The following SYNJ2 variants were observed in gnomAD, a reference collection of about 807,000 sequenced individuals.
SYNJ2 encodes synaptojanin 2.
A neutral mutation model predicts 141.3 loss-of-function variants in SYNJ2; 116 were observed. The observed-to-expected ratio is 0.82, with a 90% CI of 0.71 to 0.96. SYNJ2 has a LOEUF of 0.96. Among genes scored for constraint, SYNJ2 ranks in the 40% least tolerant of loss-of-function variants. The pLI is 0.00. For missense variants in SYNJ2, 1,873 were observed against 1,934.8 expected, an observed-to-expected ratio of 0.97 and a Z score of 0.60; for synonymous variants, 745 against 777.7, an observed-to-expected ratio of 0.96 and a Z score of 0.70.
chr6:158,012,631 A>T (rs1366115124), intron 1 of SYNJ2, among the ~76,000 whole-genome samples: 1 of 152,214 alleles, frequency 6.6e-6, no homozygotes, highest in Non-Finnish European at 1.5e-5. Flanking sequence ...GCAGAGCTGT[A>T]AGGTCATGAG....
Position 158,054,988 on chromosome 6 carries a change from C to G in SYNJ2, c.817C>G (p.Leu273Val). 1 of 1,614,094 alleles carries G rather than the reference C, an allele frequency of 6.2e-7. No individual in the cohort carries two copies. The highest frequency in any genetic ancestry group is 8.5e-7 in the Non-Finnish European group (1 of 1,180,024). The change falls in exon 6 of 27, where the codon CTC becomes GTC. Residue 273 changes from leucine (L) to valine (V), a missense_variant. By Grantham distance (32) the Leu-to-Val change is conservative. Transcript: ENST00000355585. ...TTAGGTTGGCTCCCATCATCTGAGA[C>G]TCCACAGAGGCCTGGAAGCCAATGC... ...GLQVGSHHLR[L>V]HRGLEANAPA...
intron 1 of SYNJ2, among the ~76,000 whole-genome samples, chr6:158,002,543 C>G (rs985855999): frequency 9.2e-5 from 14 of 152,184 alleles, no homozygotes; most frequent in African/African-American, 3.1e-4. Context: ...GAACCTGCAG[C>G]CGCAGGACCT....
chr6:158,017,626 G>A (rs995860051), intron 2 of SYNJ2: 2 of 422,130 alleles, frequency 4.7e-6, no homozygotes, highest in Admixed American at 5.6e-5. Context: ...ATGTTGGTCA[G>A]GCTGGTCTGA....
chr6:158,030,105 G>C (rs537186781), intron 3 of SYNJ2, among the ~76,000 whole-genome samples: 1 of 152,146 alleles, frequency 6.6e-6, no homozygotes, highest in Non-Finnish European at 1.5e-5. Context: ...AAGATCTCCT[G>C]GTGCTTTTTC....
At chr6:158,078,010 C>A in intron 17 of SYNJ2, 154 bp from the exon 18 acceptor site, 1 of 619,878 alleles carries the variant, frequency 1.6e-6, no homozygotes, top group Non-Finnish European at 2.9e-6. Flanking sequence ...CCAAAGCATC[C>A]GAAGCCTGGC....
chr6:157,991,165 T>C (rs944902915), intron 1 of SYNJ2, among the ~76,000 whole-genome samples: 2 of 152,206 alleles, frequency 1.3e-5, no homozygotes, highest in African/African-American at 4.8e-5. Flanking sequence ...AGAGAACGCC[T>C]CTGGAGCCTG....
Position 158,089,850 on chromosome 6 carries a change from G to T in SYNJ2, c.3468G>T (p.Arg1156=), listed in dbSNP as rs374673064. 6.8e-6 allele frequency: 11 copies of T among 1,613,694 alleles called. No individual in the cohort carries two copies. The African/African-American group carries it at 1.5e-4, about 22-fold the overall frequency. Reference sequence around the variant, plus strand: ...ATTCTGTCCTCAAGCCCAAGGCTCGGACTGGAATAAGTAAACCTTATAATG... The same window carrying T: ...ATTCTGTCCTCAAGCCCAAGGCTCGTACTGGAATAAGTAAACCTTATAATG... The part of the protein sequence containing the change: ...PGAPQQPPKA[R]TGISKPYNVK... Residue 1156 remains arginine (R), a synonymous_variant, in exon 25 of 27, where the codon CGG becomes CGT. Transcript: ENST00000355585.
intron 1 of SYNJ2, among the ~76,000 whole-genome samples, chr6:158,008,883 C>T (rs575646397): frequency 1.3e-5 from 2 of 152,350 alleles, no homozygotes; most frequent in Admixed American, 1.3e-4. Flanking sequence ...CCTGCAGTGG[C>T]ATTCAGAGTG....
At chr6:158,083,313 C>T in intron 20 of SYNJ2, 116 bp from the exon 21 acceptor site, 1 of 1,286,136 alleles carries the variant, frequency 7.8e-7, no homozygotes, top group East Asian at 2.4e-5. Flanking sequence ...TTTTCAGGGC[C>T]AAATGTGAAG....
At chr6:158,093,313 G>A (rs1783587295) in intron 26 of SYNJ2, among the ~76,000 whole-genome samples, 1 of 152,080 alleles carries the variant, frequency 6.6e-6, no homozygotes, top group Non-Finnish European at 1.5e-5. Flanking sequence ...GCGCACGCCT[G>A]TAATCCCAGC....
chr6:158,053,618 C>T (rs1021872703), intron 5 of SYNJ2, among the ~76,000 whole-genome samples: 1 of 151,780 alleles, frequency 6.6e-6, no homozygotes, highest in African/African-American at 2.4e-5. Context: ...GTCCACCTAT[C>T]TACCCACCCA....
At chr6:158,033,132 C>T (rs6919375) in intron 3 of SYNJ2, among the ~76,000 whole-genome samples, 57,133 of 152,082 alleles carry the variant, frequency 0.38, 11,035 homozygotes, top group Middle Eastern at 0.48. Context: ...TTTGCGATTC[C>T]CCGAAAAGTG....
intron 3 of SYNJ2, 178 bp downstream of exon 3, chr6:158,029,204 C>A (rs1188320683): frequency 3.9e-6 from 3 of 765,982 alleles, no homozygotes; most frequent in Non-Finnish European, 6.0e-6. Context: ...ACCCTGAACT[C>A]CCTGCCACCC....
chr6:158,016,410 G>A (rs9365727), intron 1 of SYNJ2, among the ~76,000 whole-genome samples: 89,293 of 152,084 alleles, frequency 0.59, 26,578 homozygotes, highest in Middle Eastern at 0.73. Flanking sequence ...GTAAGCCACT[G>A]TGCCCGGCCA....
At chr6:158,072,260 T>C (rs991893401) in intron 15 of SYNJ2, among the ~76,000 whole-genome samples, 1 of 152,216 alleles carries the variant, frequency 6.6e-6, no homozygotes, top group Non-Finnish European at 1.5e-5. Context: ...CCTTTTTGAC[T>C]GGGAACACGG....
At chr6:158,094,347 G>A (rs964114902) in intron 26 of SYNJ2, among the ~76,000 whole-genome samples, 8 of 134,424 alleles carry the variant, frequency 6.0e-5, no homozygotes, top group Non-Finnish European at 7.5e-5. Flanking sequence ...TCATGGTCTC[G>A]CTGACCTTGA....
At chr6:158,026,835 AGGTGGGTGCC>A in intron 2 of SYNJ2, 1 of 985,424 alleles carries the variant, frequency 1.0e-6, no homozygotes, top group South Asian at 4.7e-5. Flanking sequence ...CAGAAGAGGC[AGGTGGGTGCC>A]GGGAGCGCTC....
rs1263308187 is a variant in SYNJ2 at position 158,083,579 on chromosome 6, T to C, written c.3016T>C (p.Leu1006=). 6.2e-7 allele frequency: 1 copy of C among 1,614,180 alleles called. No individual in the cohort carries two copies. The highest frequency in any genetic ancestry group is 1.7e-5 in the Admixed American group (1 of 60,032). The stretch of plus-strand genomic sequence containing the variant: ...GGAGGAAAACTTTGACTTCACAAGT[T>C]TGGACTATGAGTCAGAAGGTTAGTG... ...LLEENFDFTS[L]DYESEGDILE... The change falls in exon 21 of 27, where the codon TTG becomes CTG. Residue 1006 remains leucine, a synonymous_variant. Transcript: ENST00000355585.
chr6:158,046,421 C>T (rs1167515300), intron 5 of SYNJ2, among the ~76,000 whole-genome samples: 1 of 152,228 alleles, frequency 6.6e-6, no homozygotes, highest in East Asian at 1.9e-4. Flanking sequence ...TGGTGGTCTA[C>T]CGTCACCGGC....
Sources: allele counts gnomAD v4.1 joint callset (sites outside exome capture counted in the v4.1 genomes callset), GRCh38; gene constraint gnomAD v4.1.1; transcripts MANE v1.5; gene names NCBI Gene and HGNC (gene_info 2026-07-23, HGNC 2026-07-21).